OPCML: variants seen among roughly 807,000 people sequenced by gnomAD.
OPCML encodes the protein opioid-binding protein/cell adhesion molecule.
A neutral mutation model predicts 37.8 loss-of-function variants in OPCML; 13 were observed. The observed-to-expected ratio is 0.34, with a 90% CI of 0.22 to 0.55. OPCML has a LOEUF of 0.55. Ranked by LOEUF, OPCML falls within the 20% of genes least tolerant of loss-of-function variation. OPCML has a pLI of 0.91. For synonymous variants in OPCML, 176 were observed against 168.8 expected (o/e 1.04, Z -0.33); for missense variants, 341 against 435.6 (o/e 0.78, Z 1.93).
chr11:133,105,260 C>G (rs956851732), intron 1 of OPCML, among the ~76,000 whole-genome samples: 1 of 152,118 alleles, frequency 6.6e-6, no homozygotes, highest in African/African-American at 2.4e-5. Flanking sequence ...GCCGATAAAG[C>G]TCAAAGTTCA....
chr11:133,072,432 G>A (rs1316901093), intron 1 of OPCML, among the ~76,000 whole-genome samples: 1 of 152,152 alleles, frequency 6.6e-6, no homozygotes, highest in Non-Finnish European at 1.5e-5. Context: ...AGTAAAAGCA[G>A]TTAGAAAGAG....
intron 1 of OPCML, among the ~76,000 whole-genome samples, chr11:133,283,951 C>CT (rs1942229991): frequency 6.6e-6 from 1 of 152,150 alleles, no homozygotes; most frequent in African/African-American, 2.4e-5. Flanking sequence ...TCGCTTCCCC[C>CT]CCCAGTACCT....
chr11:132,554,328 G>A (rs2096389397), intron 3 of OPCML, among the ~76,000 whole-genome samples: 1 of 152,168 alleles, frequency 6.6e-6, no homozygotes, highest in Non-Finnish European at 1.5e-5. Context: ...CGCCCTAAAG[G>A]CCTCAGCCCC....
chr11:132,950,376 A>G (rs1174829241), intron 1 of OPCML, among the ~76,000 whole-genome samples: 1 of 152,142 alleles, frequency 6.6e-6, no homozygotes, highest in Non-Finnish European at 1.5e-5. Context: ...GATTGAGAAA[A>G]AGAGAGCGAT....
intron 4 of OPCML, among the ~76,000 whole-genome samples, chr11:132,526,572 A>C (rs1349346015): frequency 6.6e-6 from 1 of 152,166 alleles, no homozygotes; most frequent in Non-Finnish European, 1.5e-5. Context: ...AGGAGCAAAA[A>C]TACGTGTTCT....
At chr11:132,580,211 C>T (rs1442443895) in intron 3 of OPCML, among the ~76,000 whole-genome samples, 7 of 152,216 alleles carry the variant, frequency 4.6e-5, no homozygotes, top group East Asian at 3.9e-4. Context: ...TGTATGACTC[C>T]GCAGGGGGGA....
At chr11:132,855,651 G>A (rs577291710) in intron 2 of OPCML, among the ~76,000 whole-genome samples, 1 of 152,256 alleles carries the variant, frequency 6.6e-6, no homozygotes, top group Admixed American at 6.5e-5. Flanking sequence ...CTCCAGCCCT[G>A]GTCAGGCAGC....
chr11:132,717,664 GAAAC>G (rs891232305), intron 2 of OPCML, among the ~76,000 whole-genome samples: 2 of 151,828 alleles, frequency 1.3e-5, no homozygotes, highest in African/African-American at 4.8e-5. Flanking sequence ...TCCCTTATCC[GAAAC>G]AAACAATCAA....
At chr11:133,184,223 A>T (rs1437324129) in intron 1 of OPCML, among the ~76,000 whole-genome samples, 1 of 152,192 alleles carries the variant, frequency 6.6e-6, no homozygotes, top group Admixed American at 6.5e-5. Flanking sequence ...ATAAGACACC[A>T]CTAGGTATTT....
At chr11:132,457,902 G>A (rs2096087859) in intron 4 of OPCML, among the ~76,000 whole-genome samples, 1 of 152,214 alleles carries the variant, frequency 6.6e-6, no homozygotes, top group Admixed American at 6.5e-5. Flanking sequence ...TCTATGCATG[G>A]GTCCACGCTA....
In OPCML at chr11:133,288,929, A is replaced by G. The variant is rs552059245; in HGVS notation, c.61+243335T>C. On this transcript the variant is annotated intron_variant, in intron 1 of 7. Transcript: ENST00000524381. Reference sequence around the variant, plus strand: ...GTGGGCATCTTGAGGGGATGATAAGAAGCAAGACAAGAATAGCCAGCACAG... The same window carrying G: ...GTGGGCATCTTGAGGGGATGATAAGGAGCAAGACAAGAATAGCCAGCACAG... Among the ~76,000 whole-genome samples the G allele has an allele frequency of 2.0e-5, 3 of 152,220 alleles. No individual in the cohort carries two copies. The East Asian group carries it at 5.8e-4, about 30-fold the overall frequency.
At chr11:133,458,882 C>T (rs931073300) in intron 1 of OPCML, among the ~76,000 whole-genome samples, 4 of 129,964 alleles carry the variant, frequency 3.1e-5, no homozygotes, top group Admixed American at 6.9e-5. Context: ...CACATACACA[C>T]ACATGTGTGT....
chr11:133,385,139 C>A (rs1945017724), intron 1 of OPCML, among the ~76,000 whole-genome samples: 1 of 152,144 alleles, frequency 6.6e-6, no homozygotes, highest in African/African-American at 2.4e-5. Flanking sequence ...CTATCCGTTG[C>A]AGCACTGGCT....
chr11:132,729,335 C>T (rs1944996974), intron 2 of OPCML, among the ~76,000 whole-genome samples: 1 of 152,164 alleles, frequency 6.6e-6, no homozygotes, highest in Non-Finnish European at 1.5e-5. Context: ...CATTCAGCTG[C>T]ACTATCTCAT....
chr11:133,193,700 GATA>G (rs1349334413), intron 1 of OPCML, among the ~76,000 whole-genome samples: 5 of 152,070 alleles, frequency 3.3e-5, no homozygotes, highest in Non-Finnish European at 7.4e-5. Context: ...AATAAATAAT[GATA>G]ATAATAATTC....
At chr11:132,638,072 T>A (rs1591655590) in intron 3 of OPCML, among the ~76,000 whole-genome samples, 1 of 151,826 alleles carries the variant, frequency 6.6e-6, no homozygotes, top group African/African-American at 2.4e-5. Context: ...TCTGCATTTG[T>A]TTTCTTTAAG....
At chr11:132,955,781 C>G (rs1945965848) in intron 1 of OPCML, among the ~76,000 whole-genome samples, 3 of 152,192 alleles carry the variant, frequency 2.0e-5, no homozygotes. Flanking sequence ...GCTCAGGAGG[C>G]CAAGGCAGGA....
At chr11:132,616,537 T>C (rs1251316013) in intron 3 of OPCML, among the ~76,000 whole-genome samples, 1 of 152,174 alleles carries the variant, frequency 6.6e-6, no homozygotes, top group African/African-American at 2.4e-5. Context: ...AATAAGGGAG[T>C]AGAAGAAGAT....
Position 132,420,291 on chromosome 11 carries a change from G to T in OPCML, c.919C>A (p.Pro307Thr), listed in dbSNP as rs1241085024. Residue 307 changes from proline to threonine, a missense_variant and splice_region_variant, in exon 8 of 8, where the codon CCT (proline) becomes ACT (threonine). Pro to Thr is a conservative substitution (Grantham distance 38, BLOSUM62 -1). Coordinates refer to ENST00000524381, the MANE Select transcript of OPCML (RefSeq NM_001012393.5). ...NTNASITLYGPGAVIDGVNSA... is the reference protein window; with the variant it reads ...NTNASITLYGTGAVIDGVNSA... ...TTTACACCATCAATGACTGCTCCAG[G>T]CCCTGTGTAGGGGAGAGAGAGACAG... The T allele has an allele frequency of 6.2e-7, 1 of 1,613,732 alleles. No individual in the cohort carries two copies. Among genetic ancestry groups the T allele is most frequent in the Non-Finnish European group, 8.5e-7 (1 of 1,179,784 alleles).
Sources: allele counts gnomAD v4.1 joint callset (sites outside exome capture counted in the v4.1 genomes callset), GRCh38; gene constraint gnomAD v4.1.1; transcripts MANE v1.5; gene names NCBI Gene and HGNC (gene_info 2026-07-23, HGNC 2026-07-21).